The following GNAO1 variants were observed in gnomAD, a reference collection of about 807,000 sequenced individuals.
GNAO1 encodes guanine nucleotide-binding protein G(o) subunit alpha.
For synonymous variants in GNAO1, 164 were observed against 180.7 expected (o/e 0.91, Z 0.74); for missense variants, 166 against 478.7 (o/e 0.35, Z 6.10).
At chr16:56,318,413 G>C (rs2037535835) in intron 3 of GNAO1, among the ~76,000 whole-genome samples, 1 of 152,218 alleles carries the variant, frequency 6.6e-6, no homozygotes, top group African/African-American at 2.4e-5. Context: ...ATGGCCGCCG[G>C]GCCCGGCCCT....
intron 3 of GNAO1, among the ~76,000 whole-genome samples, chr16:56,319,552 TA>T (rs2143627121): frequency 6.6e-6 from 1 of 152,120 alleles, no homozygotes; most frequent in East Asian, 1.9e-4. Context: ...GCAGCACCCC[TA>T]CCTGCTGCGC....
chr16:56,343,653 T>A (rs1440074542), intron 6 of GNAO1: 5 of 785,282 alleles, frequency 6.4e-6, no homozygotes, highest in Non-Finnish European at 1.0e-5. Context: ...TGTGCAGTTG[T>A]CTCTGAGAGG....
intron 2 of GNAO1, among the ~76,000 whole-genome samples, chr16:56,204,507 G>A (rs1163143653): frequency 6.6e-6 from 1 of 152,120 alleles, no homozygotes; most frequent in African/African-American, 2.4e-5. Context: ...CCCACAGGTA[G>A]CTCCAACTGG....
intron 2 of GNAO1, among the ~76,000 whole-genome samples, chr16:56,260,489 C>T (rs897760953): frequency 3.3e-5 from 5 of 152,154 alleles, no homozygotes; most frequent in Non-Finnish European, 7.4e-5. Context: ...ATGATGAAGG[C>T]TGAGCATACC....
chr16:56,300,750 T>C (rs1338321091), intron 3 of GNAO1: 6 of 152,214 alleles, frequency 3.9e-5, no homozygotes, highest in Admixed American at 2.6e-4. Context: ...CACAAATCGA[T>C]CTGAAAATCA....
At chr16:56,200,809 C>T (rs1290571475) in intron 2 of GNAO1, among the ~76,000 whole-genome samples, 1 of 152,180 alleles carries the variant, frequency 6.6e-6, no homozygotes. Context: ...TCATATATCA[C>T]ATTGATTTGG....
chr16:56,247,792 C>T lies in GNAO1; in HGVS notation c.162-28139C>T, dbSNP rs776258588. Among the ~76,000 whole-genome samples, 132 of 152,180 alleles carry T rather than the reference C, an allele frequency of 8.7e-4. 1 individual carries two copies. The highest frequency in any genetic ancestry group is 1.4e-3 in the Non-Finnish European group (98 of 68,036). On this transcript the variant is annotated intron_variant, in intron 2 of 8. Transcript: ENST00000262493. Reference sequence around the variant, plus strand: ...GAACAAATATTTGCAAACATCCTGCCTAAGATAGAGGATTGGACTCAGTGC... The same window carrying T: ...GAACAAATATTTGCAAACATCCTGCTTAAGATAGAGGATTGGACTCAGTGC...
At chr16:56,207,199 C>A (rs1356040686) in intron 2 of GNAO1, among the ~76,000 whole-genome samples, 1 of 152,184 alleles carries the variant, frequency 6.6e-6, no homozygotes, top group African/African-American at 2.4e-5. Flanking sequence ...GAAGCATGAA[C>A]TTTGGAGATT....
At chr16:56,340,786 G>C in intron 6 of GNAO1, 1 of 1,582,434 alleles carries the variant, frequency 6.3e-7, no homozygotes, top group Non-Finnish European at 8.6e-7. Flanking sequence ...CGGTGGGTCA[G>C]GGCCCTGGAT....
chr16:56,350,699 C>T (rs1024461334), intron 6 of GNAO1, among the ~76,000 whole-genome samples: 3 of 152,132 alleles, frequency 2.0e-5, no homozygotes, highest in Non-Finnish European at 4.4e-5. Context: ...CTGCCAGGAG[C>T]CTCTCCCCTG....
chr16:56,254,891 T>C lies in GNAO1; in HGVS notation c.162-21040T>C, dbSNP rs1160410584. 4.6e-5 allele frequency among the ~76,000 whole-genome samples: 7 copies of C among 152,184 alleles called. No individual in the cohort carries two copies. In the South Asian group the frequency reaches 6.2e-4, roughly 14 times the overall value. On this transcript the variant is annotated intron_variant, in intron 2 of 8. Coordinates refer to ENST00000262493, the MANE Select transcript of GNAO1 (RefSeq NM_020988.3). Reference sequence around the variant, plus strand: ...TTCCCTTAATTCATAATTAAACACATATTGCTTTAATGTTATTTGAACACA... The same window carrying C: ...TTCCCTTAATTCATAATTAAACACACATTGCTTTAATGTTATTTGAACACA...
At chr16:56,289,033 A>AG (rs1555504866) in intron 3 of GNAO1, among the ~76,000 whole-genome samples, 2,044 of 136,054 alleles carry the variant, frequency 0.015, 53 homozygotes, top group African/African-American at 0.05. Context: ...TATCCAAAAA[A>AG]GGGGGGGGGA....
intron 4 of GNAO1, among the ~76,000 whole-genome samples, chr16:56,333,315 C>T (rs1317295758): frequency 1.3e-5 from 2 of 151,424 alleles, no homozygotes; most frequent in Admixed American, 6.6e-5. Context: ...TGGGTTGAAG[C>T]GATTCTCCTG....
chr16:56,350,893 C>CCACACACACAGG (rs1215396997), intron 6 of GNAO1, among the ~76,000 whole-genome samples: 1 of 152,140 alleles, frequency 6.6e-6, no homozygotes, highest in African/African-American at 2.4e-5. Context: ...CCCCCAACGC[C>CCACACACACAGG]CACACACACA....
intron 2 of GNAO1, among the ~76,000 whole-genome samples, chr16:56,225,994 GAGTACAAAGAC>G (rs1243316187): frequency 3.9e-5 from 6 of 151,908 alleles, no homozygotes; most frequent in African/African-American, 2.4e-5. Context: ...GAAGGAACAG[GAGTACAAAGAC>G]AGTACAAAGA....
chr16:56,312,109 C>A (rs2143609481), intron 3 of GNAO1, among the ~76,000 whole-genome samples: 1 of 152,294 alleles, frequency 6.6e-6, no homozygotes, highest in South Asian at 2.1e-4. Context: ...GATGGCCCCA[C>A]CTCCTACTCA....
At chr16:56,322,156 CAAAGGCCCCATCTCCGA>C (rs2037579111) in intron 3 of GNAO1, among the ~76,000 whole-genome samples, 1 of 152,156 alleles carries the variant, frequency 6.6e-6, no homozygotes, top group Admixed American at 6.5e-5. Context: ...AATCACCTCC[CAAAGGCCCCATCTCCGA>C]ACGCCAGCAT....
chr16:56,239,527 A>G (rs554916294), intron 2 of GNAO1, among the ~76,000 whole-genome samples: 1 of 152,318 alleles, frequency 6.6e-6, no homozygotes, highest in East Asian at 1.9e-4. Context: ...GCCCACAGGG[A>G]CTGACAAGGC....
intron 6 of GNAO1, chr16:56,346,550 T>C (rs2037872407): frequency 3.0e-6 from 3 of 985,384 alleles, no homozygotes; most frequent in Non-Finnish European, 2.4e-6. Context: ...TGAGCACTGA[T>C]AGAGGTCCCC....
Sources: allele counts gnomAD v4.1 joint callset (sites outside exome capture counted in the v4.1 genomes callset), GRCh38; gene constraint gnomAD v4.1.1; transcripts MANE v1.5; gene names NCBI Gene and HGNC (gene_info 2026-07-23, HGNC 2026-07-21).